TPH2: variants seen among roughly 807,000 people sequenced by gnomAD.
TPH2 encodes tryptophan hydroxylase 2.
A neutral mutation model predicts 59.1 loss-of-function variants in TPH2; 27 were observed. The observed-to-expected ratio is 0.46, with a 90% CI of 0.34 to 0.63. TPH2 has a LOEUF of 0.63. TPH2 is among the 30% of genes least tolerant of loss of function. TPH2 has a pLI of 0.01. For synonymous variants in TPH2, 220 were observed against 210.5 expected, an observed-to-expected ratio of 1.05 and a Z score of -0.39; for missense variants, 523 against 588.3, an observed-to-expected ratio of 0.89 and a Z score of 1.15.
intron 8 of TPH2, among the ~76,000 whole-genome samples, chr12:72,006,739 A>G (rs1872963117): frequency 6.6e-6 from 1 of 152,184 alleles, no homozygotes; most frequent in African/African-American, 2.4e-5. Flanking sequence ...GAACCTGATT[A>G]GAATTTGGTT....
chr12:71,999,654 A>G (rs1872773739), intron 8 of TPH2, among the ~76,000 whole-genome samples: 1 of 152,224 alleles, frequency 6.6e-6, no homozygotes, highest in African/African-American at 2.4e-5. Context: ...AAATAGCCTG[A>G]TATAAGATAA....
intron 8 of TPH2, among the ~76,000 whole-genome samples, chr12:71,999,309 C>T (rs909573258): frequency 6.6e-6 from 1 of 152,218 alleles, no homozygotes; most frequent in African/African-American, 2.4e-5. Flanking sequence ...TAAATGAACT[C>T]TTTTGTATCT....
intron 5 of TPH2, 115 bp from the exon 6 acceptor site, chr12:71,972,404 G>C: frequency 1.0e-6 from 1 of 962,982 alleles, no homozygotes; most frequent in South Asian, 1.3e-5. Context: ...GATCCTTTCA[G>C]ACGCTCATGT....
intron 7 of TPH2, 25 bp downstream of exon 7, chr12:71,979,112 G>A (rs780054173): frequency 1.2e-6 from 2 of 1,613,930 alleles, no homozygotes; most frequent in East Asian, 2.2e-5. Flanking sequence ...TAAAGCCCAG[G>A]CCACCACACC....
chr12:71,952,113 C>A (rs1871365150), intron 5 of TPH2, among the ~76,000 whole-genome samples: 1 of 152,086 alleles, frequency 6.6e-6, no homozygotes, highest in Non-Finnish European at 1.5e-5. Flanking sequence ...AATGAGGAGT[C>A]ATTTGGTTTT....
At chr12:72,015,600 T>C (rs989611994) in intron 8 of TPH2, among the ~76,000 whole-genome samples, 2 of 152,146 alleles carry the variant, frequency 1.3e-5, no homozygotes, top group Non-Finnish European at 2.9e-5. Context: ...ATTACAGACG[T>C]GAGCCACCGC....
At position 71,978,976 on chromosome 12, in the gene TPH2, C is replaced by T. The variant is rs373088979; in HGVS notation, c.830C>T (p.Pro277Leu). 1.2e-5 allele frequency: 20 copies of T among 1,613,898 alleles called. No individual in the cohort carries two copies. Among genetic ancestry groups the T allele is most frequent in the Non-Finnish European group, 1.4e-5 (17 of 1,180,014 alleles). The change falls in exon 7 of 11, where the codon CCG becomes CTG. Residue 277 changes from proline to leucine, a missense_variant. By Grantham distance (98) the Pro-to-Leu change is moderately conservative (BLOSUM62 -3). Coordinates refer to ENST00000333850, the MANE Select transcript of TPH2 (RefSeq NM_173353.4). ...GAAAGGTCTGGCTTCACGGTGAGGCCGGTGGCTGGATACCTGAGCCCACGA... is the reference window on the plus strand; with the variant it reads ...GAAAGGTCTGGCTTCACGGTGAGGCTGGTGGCTGGATACCTGAGCCCACGA... Reference protein sequence around the residue: ...LKERSGFTVRPVAGYLSPRDF... With the variant: ...LKERSGFTVRLVAGYLSPRDF...
intron 2 of TPH2, 48 bp from the exon 3 acceptor site, chr12:71,944,246 C>G (rs1462809403): frequency 2.5e-6 from 4 of 1,599,892 alleles, no homozygotes; most frequent in Non-Finnish European, 1.7e-6. Flanking sequence ...TCATGGCATT[C>G]CTTTTATTGT....
chr12:72,014,013 T>C (rs1293114995), intron 8 of TPH2, among the ~76,000 whole-genome samples: 1 of 151,986 alleles, frequency 6.6e-6, no homozygotes, highest in Non-Finnish European at 1.5e-5. Context: ...TATGGTAAAA[T>C]ATGAGAATAG....
chr12:71,941,749 C>CAT lies in TPH2; in HGVS notation c.255+17_255+18dup. On this transcript the variant is annotated intron_variant, in intron 2 of 10. Transcript: ENST00000333850. ...GCTCTTTCAGGTGAATGTGAAATAT[C>CAT]ATTACATAATTTTAAAAGTGACCGT... is the stretch of plus-strand genomic sequence containing the variant. 2.5e-6 allele frequency: 4 copies of CAT among 1,612,402 alleles called. No homozygotes were observed. Among genetic ancestry groups the CAT allele is most frequent in the Non-Finnish European group, 3.4e-6 (4 of 1,178,490 alleles).
At chr12:72,021,356 A>AGTGTGTGT (rs57532900) in intron 8 of TPH2, among the ~76,000 whole-genome samples, 151 of 143,422 alleles carry the variant, frequency 1.1e-3, no homozygotes, top group Non-Finnish European at 5.3e-4. Context: ...GGGCCAATAA[A>AGTGTGTGT]GTGTGTGTGT....
At chr12:71,975,954 A>G (rs912988490) in intron 6 of TPH2, among the ~76,000 whole-genome samples, 11 of 152,108 alleles carry the variant, frequency 7.2e-5, no homozygotes, top group African/African-American at 2.4e-4. Context: ...TGTTCCCCAA[A>G]CCCCAATAGT....
At chr12:72,006,967 G>C (rs116114775) in intron 8 of TPH2, among the ~76,000 whole-genome samples, 1 of 151,938 alleles carries the variant, frequency 6.6e-6, no homozygotes, top group African/African-American at 2.4e-5. Context: ...CAGACTTCTG[G>C]GTGGCCATAT....
At chr12:71,948,486 C>A (rs1477146544) in intron 4 of TPH2, among the ~76,000 whole-genome samples, 2 of 152,118 alleles carry the variant, frequency 1.3e-5, no homozygotes, top group Non-Finnish European at 2.9e-5. Flanking sequence ...AGATTTCTAG[C>A]CTCGAGGCCA....
chr12:71,982,015 ATTTT>A (rs781612841), intron 7 of TPH2, among the ~76,000 whole-genome samples: 1,074 of 60,500 alleles, frequency 0.018, 112 homozygotes, highest in African/African-American at 0.062. Flanking sequence ...TATCATTCGT[ATTTT>A]TTTTTTTTTT....
Position 71,994,481 on chromosome 12 carries a change from G to A in TPH2, c.984G>A (p.Ala328=), listed in dbSNP as rs766153353. ...TCTTGGGACATGTTCCACTACTTGC[G>A]GATCCTAAGTTTGCTCAGTTTTCAC... is the stretch of plus-strand genomic sequence containing the variant. ...HELLGHVPLL[A]DPKFAQFSQE... is the part of the protein sequence containing the mutation. The change falls in exon 8 of 11, where the codon GCG becomes GCA. Residue 328 remains alanine (A), a synonymous_variant. Transcript: ENST00000333850. 1.4e-5 allele frequency: 23 copies of A among 1,613,820 alleles called. No individual in the cohort carries two copies. Among genetic ancestry groups the A allele is most frequent in the South Asian group, 1.2e-4 (11 of 91,070 alleles).
At chr12:72,028,365 T>C (rs1873626209) in intron 9 of TPH2, among the ~76,000 whole-genome samples, 1 of 152,116 alleles carries the variant, frequency 6.6e-6, no homozygotes, top group Admixed American at 6.6e-5. Context: ...TCCCCAAAAC[T>C]GAGGGGCTTA....
chr12:72,010,644 C>T (rs764105517), intron 8 of TPH2, among the ~76,000 whole-genome samples: 15 of 152,164 alleles, frequency 9.9e-5, no homozygotes, highest in South Asian at 4.1e-4. Context: ...AAGAAATAGG[C>T]GAGAAAGTGC....
At chr12:71,984,674 C>T (rs910504340) in intron 7 of TPH2, among the ~76,000 whole-genome samples, 1 of 152,200 alleles carries the variant, frequency 6.6e-6, no homozygotes, top group African/African-American at 2.4e-5. Flanking sequence ...TGCCAAGCCT[C>T]CTGCTCATCC....
Sources: allele counts gnomAD v4.1 joint callset (sites outside exome capture counted in the v4.1 genomes callset), GRCh38; gene constraint gnomAD v4.1.1; transcripts MANE v1.5; gene names NCBI Gene and HGNC (gene_info 2026-07-23, HGNC 2026-07-21).